Variants in FLI1 observed in about 807,000 individuals in gnomAD.
FLI1 encodes the protein Friend leukemia integration 1 transcription factor.
Under a neutral mutation model 53.1 loss-of-function variants are expected in FLI1, and 13 were observed. The observed-to-expected ratio is 0.24, with a 90% CI of 0.16 to 0.39. The LOEUF is 0.39. FLI1 is among the 10% of genes least tolerant of loss of function. The pLI is 1.00. For missense variants in FLI1, 424 were observed against 600.5 expected, an observed-to-expected ratio of 0.71 and a Z score of 3.07; for synonymous variants, 244 against 236.7, an observed-to-expected ratio of 1.03 and a Z score of -0.28.
chr11:128,735,706 C>T (rs59110848), intron 1 of FLI1, among the ~76,000 whole-genome samples: 10,292 of 152,226 alleles, frequency 0.068, 1,140 homozygotes, highest in African/African-American at 0.23. Context: ...GAAGTCTGAA[C>T]TTGGAAACTA....
chr11:128,711,964 G>A (rs1938798798), intron 1 of FLI1, among the ~76,000 whole-genome samples: 1 of 152,104 alleles, frequency 6.6e-6, no homozygotes, highest in South Asian at 2.1e-4. Flanking sequence ...TAGACTGGTA[G>A]TCCTTGAAAG....
intron 5 of FLI1, among the ~76,000 whole-genome samples, chr11:128,790,273 G>A (rs1398501139): frequency 1.5e-5 from 2 of 131,940 alleles, no homozygotes; most frequent in Non-Finnish European, 3.3e-5. Flanking sequence ...TTTTCCACGA[G>A]AGAGAGATTA....
Position 128,791,933 on chromosome 11 carries a change from G to A in FLI1, c.655+9910G>A, listed in dbSNP as rs546800308. ...GAGGAGGCTGAGGACACGCCAAGCCGAGGAAAGGTGACGCTGCAGGGAGAG... is the reference window on the plus strand; with the variant it reads ...GAGGAGGCTGAGGACACGCCAAGCCAAGGAAAGGTGACGCTGCAGGGAGAG... On this transcript the variant is annotated intron_variant, in intron 5 of 8. Coordinates refer to ENST00000527786, the MANE Select transcript of FLI1 (RefSeq NM_002017.5). Among the ~76,000 whole-genome samples, 8 of 152,314 alleles carry A rather than the reference G, an allele frequency of 5.3e-5. No individual in the cohort carries two copies. The East Asian group carries it at 7.7e-4, about 15-fold the overall frequency.
chr11:128,725,380 C>T (rs569802006), intron 1 of FLI1, among the ~76,000 whole-genome samples: 4 of 152,336 alleles, frequency 2.6e-5, no homozygotes, highest in South Asian at 2.1e-4. Context: ...ATAAGGCGGC[C>T]GGCCGGTCCA....
chr11:128,810,860 A>G lies in FLI1; in HGVS notation c.1231A>G (p.Thr411Ala). The G allele has an allele frequency of 6.2e-7, 1 of 1,613,986 alleles. No homozygotes were observed. Among genetic ancestry groups the G allele is most frequent in the South Asian group, 1.1e-5 (1 of 91,080 alleles). ...VPPHPSSMPV[T>A]SSSFFGAASQ... ...TCCCCATCCATCCTCCATGCCTGTC[A>G]CTTCCTCCAGCTTCTTTGGAGCCGC... is the stretch of plus-strand genomic sequence containing the variant. Residue 411 changes from threonine (T) to alanine (A), a missense_variant, in exon 9 of 9, where the codon ACT becomes GCT. Coordinates refer to ENST00000527786, the MANE Select transcript of FLI1 (RefSeq NM_002017.5). The surrounding 1 kb of genome is among the most constrained non-coding windows in gnomAD (Gnocchi z 6.6).
At chr11:128,792,375 C>A (rs974784602) in intron 5 of FLI1, among the ~76,000 whole-genome samples, 1 of 152,204 alleles carries the variant, frequency 6.6e-6, no homozygotes, top group African/African-American at 2.4e-5. Context: ...TGACCCAGTG[C>A]AATCAATCTT....
chr11:128,721,429 G>A (rs773921604), intron 1 of FLI1, among the ~76,000 whole-genome samples: 1 of 152,220 alleles, frequency 6.6e-6, no homozygotes, highest in Non-Finnish European at 1.5e-5. Flanking sequence ...GGATTGCAGG[G>A]GAGATGCCTG....
chr11:128,734,987 C>T (rs544921781), intron 1 of FLI1, among the ~76,000 whole-genome samples: 3 of 152,210 alleles, frequency 2.0e-5, no homozygotes, highest in South Asian at 2.1e-4. Context: ...AAGGGCCCCA[C>T]GGAAGGGAGT....
At chr11:128,764,522 G>A in intron 2 of FLI1, 1 of 838,966 alleles carries the variant, frequency 1.2e-6, no homozygotes, top group Non-Finnish European at 1.9e-6. Context: ...AGCTGCCAGT[G>A]GGCCCCAGCC....
chr11:128,776,563 G>A (rs1373776201), intron 4 of FLI1, among the ~76,000 whole-genome samples: 3 of 152,166 alleles, frequency 2.0e-5, no homozygotes, highest in Non-Finnish European at 2.9e-5. Flanking sequence ...AGGCAGGAGA[G>A]TCGCTTGAAT....
chr11:128,706,682 C>T (rs935433485), intron 1 of FLI1, among the ~76,000 whole-genome samples: 1 of 152,184 alleles, frequency 6.6e-6, no homozygotes, highest in African/African-American at 2.4e-5. Context: ...GCTCATTTAA[C>T]CCACAGGGAC....
intron 1 of FLI1, among the ~76,000 whole-genome samples, chr11:128,714,115 C>A (rs1272882651): frequency 6.9e-6 from 1 of 143,944 alleles, no homozygotes; most frequent in African/African-American, 2.6e-5. Flanking sequence ...ATTTCAAAGT[C>A]AAGAAGATTC....
At chr11:128,696,340 T>A (rs560613562) in intron 1 of FLI1, among the ~76,000 whole-genome samples, 74 of 152,212 alleles carry the variant, frequency 4.9e-4, no homozygotes, top group Non-Finnish European at 9.0e-4. Flanking sequence ...GTGTTTAAGT[T>A]GTGTGAAAGC....
chr11:128,736,257 ACATCATTAG>A (rs1323471898), intron 1 of FLI1, among the ~76,000 whole-genome samples: 1 of 151,978 alleles, frequency 6.6e-6, no homozygotes, highest in East Asian at 1.9e-4. Flanking sequence ...GAGCAATCAG[ACATCATTAG>A]ACAAAGAACA....
intron 5 of FLI1, among the ~76,000 whole-genome samples, chr11:128,795,498 C>CTAAA (rs1942407550): frequency 6.6e-6 from 1 of 151,302 alleles, no homozygotes; most frequent in African/African-American, 2.4e-5. Context: ...GTCCCATGAA[C>CTAAA]TAAACTCTGA....
intron 7 of FLI1, among the ~76,000 whole-genome samples, chr11:128,808,775 T>C (rs1209981317): frequency 6.6e-6 from 1 of 152,232 alleles, no homozygotes; most frequent in Admixed American, 6.5e-5. Context: ...GGTAGAGTTA[T>C]TAAAGACCAG....
intron 1 of FLI1, among the ~76,000 whole-genome samples, chr11:128,731,609 T>C (rs1042213830): frequency 6.6e-6 from 1 of 152,164 alleles, no homozygotes; most frequent in Non-Finnish European, 1.5e-5. Flanking sequence ...AAAAATCATT[T>C]GGCAAAACCC....
chr11:128,755,486 C>T lies in FLI1; in HGVS notation c.19-2629C>T, dbSNP rs557431543. 9.2e-5 allele frequency among the ~76,000 whole-genome samples: 14 copies of T among 152,264 alleles called. No homozygotes were observed. The East Asian group carries it at 9.6e-4, about 10-fold the overall frequency. On this transcript the variant is annotated intron_variant, in intron 1 of 8. Coordinates refer to ENST00000527786, the MANE Select transcript of FLI1 (RefSeq NM_002017.5). ...GGTAATGTGTCCTCTGCTTCCAGTGCGGAGCTCAAGGAATTTCATGGAGTC... is the reference window on the plus strand; with the variant it reads ...GGTAATGTGTCCTCTGCTTCCAGTGTGGAGCTCAAGGAATTTCATGGAGTC...
At chr11:128,703,526 T>C (rs1037063650) in intron 1 of FLI1, among the ~76,000 whole-genome samples, 3 of 152,166 alleles carry the variant, frequency 2.0e-5, no homozygotes, top group Admixed American at 6.5e-5. Flanking sequence ...CAATGTATAT[T>C]ATTACATGGA....
Sources: allele counts gnomAD v4.1 joint callset (sites outside exome capture counted in the v4.1 genomes callset), GRCh38; gene constraint gnomAD v4.1.1; non-coding constraint Gnocchi (gnomAD v3.1); transcripts MANE v1.5; gene names NCBI Gene and HGNC (gene_info 2026-07-23, HGNC 2026-07-21).